RTEL1: variants seen among roughly 807,000 people sequenced by gnomAD.
RTEL1 encodes regulator of telomere elongation helicase 1.
A neutral mutation model predicts 162.2 loss-of-function variants in RTEL1; 86 were observed. The ratio of observed to expected loss-of-function variants is 0.53; its 90% confidence interval spans 0.45 to 0.63. The LOEUF is 0.63. Ranked by LOEUF, RTEL1 falls within the 30% of genes least tolerant of loss-of-function variation. The pLI is 0.00. For missense variants in RTEL1, 1,941 were observed against 1,750.2 expected, an observed-to-expected ratio of 1.11 and a Z score of -1.95; for synonymous variants, 958 against 717.9, an observed-to-expected ratio of 1.33 and a Z score of -5.35.
chr20:63,681,059 A>G (rs2090468613), intron 14 of RTEL1: 1 of 985,438 alleles, frequency 1.0e-6, no homozygotes, highest in Non-Finnish European at 1.2e-6. Context: ...CCCCAGCTGC[A>G]CGCAGATGAA....
intron 14 of RTEL1, among the ~76,000 whole-genome samples, chr20:63,683,431 C>T (rs2090518297): frequency 6.6e-6 from 1 of 152,228 alleles, no homozygotes; most frequent in Admixed American, 6.5e-5. Flanking sequence ...GTGAAAATGG[C>T]TGGGAAGGAA....
In RTEL1 at chr20:63,662,613, A is replaced by C; in HGVS notation, c.463A>C (p.Ser155Arg). The C allele has an allele frequency of 6.2e-7, 1 of 1,613,962 alleles. No individual in the cohort carries two copies. Among genetic ancestry groups the C allele is most frequent in the Non-Finnish European group, 8.5e-7 (1 of 1,180,008 alleles). Residue 155 changes from serine (S) to arginine (R), a missense_variant, in exon 5 of 35, where the codon AGT becomes CGT. Coordinates refer to ENST00000360203, the MANE Select transcript of RTEL1 (RefSeq NM_001283009.2). ...CCATCCTGAGGTGAAGAAACAAGAG[A>C]GTAACCATCTACAGGTAGGCTCCTG... ...CIHPEVKKQE[S>R]NHLQIHLCRK...
chr20:63,686,271 G>A (rs1420403927), intron 16 of RTEL1: 6 of 268,226 alleles, frequency 2.2e-5, no homozygotes, highest in East Asian at 2.0e-4. Context: ...AAGGGGGCCC[G>A]GCTGGCCCTG....
At chr20:63,688,888 C>G (rs1036544722) in intron 21 of RTEL1, 167 bp from the exon 22 acceptor site, 1 of 726,062 alleles carries the variant, frequency 1.4e-6, no homozygotes, top group Middle Eastern at 3.7e-4. Context: ...ACTGAGCAGG[C>G]GTGGGGTCAG....
At chr20:63,694,656 G>C in intron 31 of RTEL1, 85 bp from the exon 32 acceptor site, 1 of 1,314,818 alleles carries the variant, frequency 7.6e-7, no homozygotes, top group Non-Finnish European at 1.0e-6. Context: ...CTCTCCAGGA[G>C]TTCCTGGAGG....
upstream of RTEL1, chr20:63,658,235 C>G (rs3746342): frequency 6.6e-6 from 1 of 152,218 alleles, no homozygotes; most frequent in Admixed American, 6.5e-5. Context: ...CTGGAGGAGC[C>G]GAAGAGCAGG....
intron 34 of RTEL1, 43 bp from the exon 35 acceptor site, chr20:63,695,735 G>T (rs1199693913): frequency 6.3e-7 from 1 of 1,594,832 alleles, no homozygotes; most frequent in Non-Finnish European, 8.5e-7. Context: ...TGTCCTGGTG[G>T]CAACGCCTGG....
intron 14 of RTEL1, among the ~76,000 whole-genome samples, chr20:63,684,595 C>CACCCGCCTCG (rs2090549953): frequency 2.6e-5 from 4 of 152,116 alleles, no homozygotes; most frequent in Middle Eastern, 6.8e-3. Flanking sequence ...CCTCGTGATC[C>CACCCGCCTCG]GCCTCCCAAA....
chr20:63,690,460 G>A lies in RTEL1; in HGVS notation c.2413+19G>A, dbSNP rs780747619. 1.3e-6 allele frequency: 2 copies of A among 1,551,996 alleles called. No homozygotes were observed. Among genetic ancestry groups the A allele is most frequent in the Non-Finnish European group, 1.7e-6 (2 of 1,148,200 alleles). Reference sequence around the variant, plus strand: ...TCCTCAGGTGCGGACGGGCAGCGCTGGGTGGGCGGTGTGGGGGTGGCGGAG... The same window carrying A: ...TCCTCAGGTGCGGACGGGCAGCGCTAGGTGGGCGGTGTGGGGGTGGCGGAG... On this transcript the variant is annotated intron_variant, in intron 26 of 34. Coordinates refer to ENST00000360203, the MANE Select transcript of RTEL1 (RefSeq NM_001283009.2).
At chr20:63,694,645 G>A (rs1366764672) in intron 31 of RTEL1, 96 bp from the exon 32 acceptor site, 36 of 1,274,800 alleles carry the variant, frequency 2.8e-5, no homozygotes, top group Non-Finnish European at 3.8e-5. Flanking sequence ...GTCCTGAGCA[G>A]CTCTCCAGGA....
chr20:63,695,147 G>T lies in RTEL1; in HGVS notation c.3425G>T (p.Gly1142Val), dbSNP rs867830180. 4 of 1,612,310 alleles carry T rather than the reference G, an allele frequency of 2.5e-6. No homozygotes were observed. In the African/African-American group the frequency reaches 4.0e-5, roughly 16 times the overall value. The part of the protein sequence containing the change: ...CTDLTGRPYP[G>V]MEPPGPQEER... ...GACCTGACCGGCCGGCCCTACCCGG[G>T]CATGGAGCCACCGGGACCCCAGGAG... The change falls in exon 33 of 35, where the codon GGC becomes GTC. Residue 1142 changes from glycine to valine, a missense_variant. Gly to Val is a moderately radical substitution (Grantham distance 109). Transcript: ENST00000360203.
rs758172246 is a variant in RTEL1, at chr20:63,661,458, C to T, written c.263C>T (p.Ser88Phe). 3.7e-6 allele frequency: 6 copies of T among 1,613,224 alleles called. No homozygotes were observed. The highest frequency in any genetic ancestry group is 1.6e-4 in the Middle Eastern group (1 of 6,062). Reference protein sequence around the residue: ...GELFPDRALSSWGNAAAAAGD... With the variant: ...GELFPDRALSFWGNAAAAAGD... ...CTTTTCCCGGATCGGGCCTTGTCAT[C>T]CTGGGGCAACGCTGCTGCTGCTGCT... is the stretch of plus-strand genomic sequence containing the variant. Residue 88 changes from serine (S) to phenylalanine (F), a missense_variant, in exon 3 of 35, where the codon TCC becomes TTC. Coordinates refer to ENST00000360203, the MANE Select transcript of RTEL1 (RefSeq NM_001283009.2). This position sits in a 1 kb window ranked among gnomAD's most constrained non-coding sequence, Gnocchi z 5.1.
chr20:63,680,251 C>T (rs900156451), intron 13 of RTEL1, among the ~76,000 whole-genome samples: 2 of 152,206 alleles, frequency 1.3e-5, no homozygotes, highest in Admixed American at 1.3e-4. Context: ...CACACCACCC[C>T]GAGTTCTGCT....
intron 1 of RTEL1, 88 bp from the exon 2 acceptor site, chr20:63,659,145 C>T (rs912504144): frequency 5.9e-6 from 3 of 507,774 alleles, no homozygotes; most frequent in African/African-American, 1.9e-5. Flanking sequence ...CCAACCCTCT[C>T]CGCAGGAGGG....
chr20:63,669,465 A>C (rs2090204119), intron 8 of RTEL1, among the ~76,000 whole-genome samples: 1 of 152,232 alleles, frequency 6.6e-6, no homozygotes, highest in African/African-American at 2.4e-5. Flanking sequence ...TCTGTGGAAG[A>C]GTTGAGAAAA....
chr20:63,666,132 C>G, intron 7 of RTEL1, 53 bp downstream of exon 7: 1 of 1,414,326 alleles, frequency 7.1e-7, no homozygotes, highest in Non-Finnish European at 9.9e-7. Context: ...CCCAGCTCTC[C>G]TGTGACCTGT....
intron 14 of RTEL1, among the ~76,000 whole-genome samples, chr20:63,684,434 A>G (rs1200003067): frequency 3.3e-5 from 5 of 151,388 alleles, no homozygotes; most frequent in African/African-American, 1.2e-4. Flanking sequence ...GCTCACTGCA[A>G]GCTCCGCCTC....
intron 28 of RTEL1, chr20:63,692,570 C>T: frequency 3.4e-6 from 2 of 582,712 alleles, no homozygotes; most frequent in South Asian, 4.1e-5. Flanking sequence ...TGCCCATTCA[C>T]TGCTCTCAGT....
intron 16 of RTEL1, chr20:63,687,383 G>T: frequency 2.0e-6 from 1 of 496,664 alleles, no homozygotes; most frequent in Non-Finnish European, 3.6e-6. Flanking sequence ...CCTCTCTGCA[G>T]GTGTCCCCAG....
Sources: gnomAD v4.1 joint callset for allele counts (sites outside exome capture counted in the v4.1 genomes callset) on GRCh38, gnomAD v4.1.1 for gene constraint, Gnocchi (gnomAD v3.1) non-coding constraint, MANE v1.5 for transcripts, NCBI Gene and HGNC (gene_info 2026-07-23, HGNC 2026-07-21) for gene names.